Variants in SLC13A1 observed in about 807,000 individuals in gnomAD.
SLC13A1 encodes Na(+)/sulfate cotransporter.
In SLC13A1, 65 loss-of-function variants were observed where a neutral mutation model predicts 70.0. That is an observed-to-expected ratio of 0.93 (90% CI 0.76 to 1.14). SLC13A1 has a LOEUF of 1.14. Among genes scored for constraint, SLC13A1 ranks in the 50% most tolerant of loss-of-function variants. The pLI, the probability that SLC13A1 is intolerant of heterozygous loss-of-function variation, is 0.00. For synonymous variants in SLC13A1, 275 were observed against 250.5 expected, an observed-to-expected ratio of 1.10 and a Z score of -0.92; for missense variants, 726 against 717.8, an observed-to-expected ratio of 1.01 and a Z score of -0.13.
intron 6 of SLC13A1, chr7:123,148,309 G>A (rs1794433037): frequency 3.1e-6 from 1 of 326,646 alleles, no homozygotes; most frequent in Non-Finnish European, 6.0e-6. Flanking sequence ...CTATGTTCAT[G>A]AATAGCCCTT....
At chr7:123,117,743 G>A (rs7810745) in intron 13 of SLC13A1, 135 bp from the exon 14 acceptor site, 267,297 of 480,038 alleles carry the variant, frequency 0.56, 76,134 homozygotes, top group East Asian at 0.67. Flanking sequence ...ATAAATTATT[G>A]CAGTTATAAC....
intron 6 of SLC13A1, among the ~76,000 whole-genome samples, chr7:123,154,802 A>G (rs957384944): frequency 6.6e-6 from 1 of 152,200 alleles, no homozygotes; most frequent in Middle Eastern, 3.4e-3. Flanking sequence ...TCTTGATGAC[A>G]TCTCTTTCAG....
chr7:123,184,514 C>T (rs886390416), intron 1 of SLC13A1, among the ~76,000 whole-genome samples: 1 of 152,048 alleles, frequency 6.6e-6, no homozygotes, highest in Admixed American at 6.6e-5. Flanking sequence ...TGCTATTTGT[C>T]TTCCTGTCCC....
chr7:123,118,097 G>A (rs761443796), intron 13 of SLC13A1, among the ~76,000 whole-genome samples: 5 of 151,910 alleles, frequency 3.3e-5, no homozygotes, highest in Admixed American at 6.6e-5. Context: ...TAACTTGTCC[G>A]AGCATACAGC....
In SLC13A1 at chr7:123,129,489, G is replaced by T; in HGVS notation, c.933-8C>A. ...TTGAACATCTCCTTAAAACTGCAAA[G>T]AATAATTAAGCCTGTAAGCAAGAAA... On this transcript the variant is annotated splice_region_variant and splice_polypyrimidine_tract_variant and intron_variant, in intron 8 of 14. Coordinates refer to ENST00000194130, the MANE Select transcript of SLC13A1 (RefSeq NM_022444.4). 4 of 1,607,218 alleles carry T rather than the reference G, an allele frequency of 2.5e-6. No individual in the cohort carries two copies. Among genetic ancestry groups the T allele is most frequent in the Non-Finnish European group, 3.4e-6 (4 of 1,174,154 alleles).
Position 123,125,608 on chromosome 7 carries a change from C to T in SLC13A1, c.1201G>A (p.Ala401Thr), listed in dbSNP as rs200909313. ...LIGLLFFLIP[A>T]KTLTKTTPTG... ...GGTGTAGTTTTAGTCAGTGTCTTAGCTGGGATAAGAAAGAATAGCAGCCCT... is the reference window on the plus strand; with the variant it reads ...GGTGTAGTTTTAGTCAGTGTCTTAGTTGGGATAAGAAAGAATAGCAGCCCT... Residue 401 changes from alanine to threonine, a missense_variant, in exon 11 of 15, where the codon GCT (alanine) becomes ACT (threonine). Transcript: ENST00000194130. 255 of 1,612,850 alleles carry T rather than the reference C, an allele frequency of 1.6e-4. 1 individual carries two copies. Among genetic ancestry groups the T allele is most frequent in the South Asian group, 1.0e-3 (93 of 90,978 alleles).
chr7:123,135,768 A>C (rs897297287), intron 7 of SLC13A1, among the ~76,000 whole-genome samples: 4 of 152,148 alleles, frequency 2.6e-5, no homozygotes, highest in African/African-American at 7.2e-5. Context: ...AAAAGCTATT[A>C]ATCTCCCTAG....
chr7:123,115,664 G>A lies in SLC13A1; in HGVS notation c.1651-9C>T, dbSNP rs1793156535. 8 of 1,613,106 alleles carry A rather than the reference G, an allele frequency of 5.0e-6. No homozygotes were observed. The highest frequency in any genetic ancestry group is 1.7e-5 in the Admixed American group (1 of 59,970). On this transcript the variant is annotated splice_polypyrimidine_tract_variant and intron_variant, in intron 14 of 14. Coordinates refer to ENST00000194130, the MANE Select transcript of SLC13A1 (RefSeq NM_022444.4). ...CCAAGTCCAGCTTTAACCTTGAACA[G>A]GAAAGAGCATAAATGTCAGTGTCCC... is the stretch of plus-strand genomic sequence containing the variant.
rs1421137391 is a variant in SLC13A1, at chr7:123,115,512, T to G, written c.*6A>C. On this transcript the variant is annotated 3_prime_UTR_variant, in exon 15 of 15. Coordinates refer to ENST00000194130, the MANE Select transcript of SLC13A1 (RefSeq NM_022444.4). ...TACCGCAAGATAGTCAGAAATTTTGTGCTTATTATGGCATGGTCTCATTAC... is the reference window on the plus strand; with the variant it reads ...TACCGCAAGATAGTCAGAAATTTTGGGCTTATTATGGCATGGTCTCATTAC... 1.6e-5 allele frequency: 26 copies of G among 1,604,414 alleles called. No individual in the cohort carries two copies. Among genetic ancestry groups the G allele is most frequent in the Non-Finnish European group, 2.1e-5 (25 of 1,174,112 alleles).
chr7:123,156,610 C>A (rs558426537), intron 6 of SLC13A1, among the ~76,000 whole-genome samples: 1 of 152,026 alleles, frequency 6.6e-6, no homozygotes, highest in Non-Finnish European at 1.5e-5. Context: ...TTTAATTAAA[C>A]CAGCCTTCCT....
intron 11 of SLC13A1, among the ~76,000 whole-genome samples, chr7:123,125,350 A>G (rs1793522312): frequency 6.6e-6 from 1 of 152,148 alleles, no homozygotes; most frequent in Non-Finnish European, 1.5e-5. Flanking sequence ...ATACAAAAGG[A>G]AATCTACTTC....
chr7:123,138,295 T>G (rs1325803787), intron 7 of SLC13A1, among the ~76,000 whole-genome samples: 1 of 152,214 alleles, frequency 6.6e-6, no homozygotes, highest in Non-Finnish European at 1.5e-5. Flanking sequence ...GTGTACCACA[T>G]TTTCTTCATC....
In SLC13A1 at chr7:123,147,222, A is replaced by G. The variant is rs767565902; in HGVS notation, c.749T>C (p.Ile250Thr). 7 of 1,613,772 alleles carry G rather than the reference A, an allele frequency of 4.3e-6. No individual in the cohort carries two copies. The South Asian group carries it at 5.5e-5, about 13-fold the overall frequency. ...TCLCIAYSST[I>T]GGLTTITGTS... ...ACCAGTGATTGTTGTCAGTCCACCA[A>G]TGGTAGAAGAGTAGGCAATGCACAA... Residue 250 changes from isoleucine (I) to threonine (T), a missense_variant, in exon 7 of 15, where the codon ATT becomes ACT. Transcript: ENST00000194130.
chr7:123,143,349 T>G (rs1274485583), intron 7 of SLC13A1, among the ~76,000 whole-genome samples: 1 of 152,084 alleles, frequency 6.6e-6, no homozygotes, highest in African/African-American at 2.4e-5. Flanking sequence ...TCAGAGTTAT[T>G]TTTGGCCCCA....
rs148839931 is a variant in SLC13A1, at chr7:123,169,249, G to A, written c.452C>T (p.Ala151Val). The A allele has an allele frequency of 8.2e-5, 133 of 1,613,984 alleles. No homozygotes were observed. Among genetic ancestry groups the A allele is most frequent in the African/African-American group, 8.1e-4 (61 of 75,014 alleles). ...TSTAAMVMPI[A>V]EAVVQQIINA... ...GATGATCTGCTGCACTACAGCCTCCGCAATGGGCATCACCATGGCAGCCGT... is the reference window on the plus strand; with the variant it reads ...GATGATCTGCTGCACTACAGCCTCCACAATGGGCATCACCATGGCAGCCGT... Residue 151 changes from alanine (A) to valine (V), a missense_variant, in exon 4 of 15, where the codon GCG (alanine) becomes GTG (valine). By Grantham distance (64) the Ala-to-Val change is moderately conservative. Transcript: ENST00000194130.
At chr7:123,125,518 T>C (rs1453121843) in intron 11 of SLC13A1, 51 bp downstream of exon 11, 5 of 1,341,846 alleles carry the variant, frequency 3.7e-6, no homozygotes, top group Non-Finnish European at 5.3e-6. Flanking sequence ...TGGAATTTTG[T>C]AATTTTTGCT....
intron 6 of SLC13A1, among the ~76,000 whole-genome samples, chr7:123,158,152 G>C (rs902095669): frequency 6.6e-6 from 1 of 151,820 alleles, no homozygotes; most frequent in East Asian, 1.9e-4. Context: ...ATGAGAACCA[G>C]CAATAAATAA....
At chr7:123,187,907 T>G (rs1795862925) in intron 1 of SLC13A1, among the ~76,000 whole-genome samples, 4 of 152,200 alleles carry the variant, frequency 2.6e-5, no homozygotes, top group Admixed American at 2.0e-4. Flanking sequence ...CACATGCATG[T>G]CTATGGAAAA....
intron 7 of SLC13A1, among the ~76,000 whole-genome samples, chr7:123,143,641 A>G (rs1441874016): frequency 6.6e-6 from 1 of 151,990 alleles, no homozygotes; most frequent in African/African-American, 2.4e-5. Flanking sequence ...TGTTTTCTCT[A>G]CCTCTTCAGT....
Sources: allele counts gnomAD v4.1 joint callset (sites outside exome capture counted in the v4.1 genomes callset), GRCh38; gene constraint gnomAD v4.1.1; transcripts MANE v1.5; gene names NCBI Gene and HGNC (gene_info 2026-07-23, HGNC 2026-07-21).